Variants in UGT3A1 observed in about 807,000 individuals in gnomAD.
UGT3A1 encodes the protein UDP glycosyltransferase family 3 member A1.
In UGT3A1, 40 loss-of-function variants were observed where a neutral mutation model predicts 37.6. That is an observed-to-expected ratio of 1.06 (90% CI 0.83 to 1.38). The LOEUF is 1.38. Among genes scored for constraint, UGT3A1 ranks in the 40% most tolerant of loss-of-function variants. The pLI, the probability that UGT3A1 is intolerant of heterozygous loss-of-function variation, is 0.00. For missense variants in UGT3A1, 642 were observed against 634.2 expected (o/e 1.01, Z -0.13); for synonymous variants, 256 against 232.3 (o/e 1.10, Z -0.93).
chr5:35,993,705 G>A (rs1019411804), upstream of UGT3A1, among the ~76,000 whole-genome samples: 6 of 152,004 alleles, frequency 3.9e-5, no homozygotes, highest in East Asian at 5.8e-4. Flanking sequence ...CTCTATTGAC[G>A]TCTAGTAACC....
chr5:35,991,885 T>C (rs1206564477), upstream of UGT3A1, among the ~76,000 whole-genome samples: 1 of 152,220 alleles, frequency 6.6e-6, no homozygotes, highest in Non-Finnish European at 1.5e-5. Context: ...TCCGGGTCTG[T>C]ACCTGGAGAC....
intron 1 of UGT3A1, among the ~76,000 whole-genome samples, chr5:35,999,735 A>G (rs1172622421): frequency 6.6e-6 from 1 of 152,206 alleles, no homozygotes; most frequent in Non-Finnish European, 1.5e-5. Flanking sequence ...AACCCAGGAA[A>G]TTCCCTCCAT....
chr5:35,965,374 GGGT>G lies in UGT3A1; in HGVS notation c.843+9_843+11del, dbSNP rs1739756154. On this transcript the variant is annotated intron_variant, in intron 4 of 6. Transcript: ENST00000274278. ...ATGTGAATCCCAAACTGAATGCTGA[GGGT>G]TCACTTACTTGTGGTACTGGTTTAA... 2 of 1,610,660 alleles carry G rather than the reference GGGT, an allele frequency of 1.2e-6. No individual in the cohort carries two copies.
chr5:35,993,346 C>G (rs1436399905), upstream of UGT3A1, among the ~76,000 whole-genome samples: 1 of 152,052 alleles, frequency 6.6e-6, no homozygotes. Context: ...TGCCTGTAAT[C>G]CCAGCTACTC....
chr5:35,972,494 CGTGTGT>C (rs4024103), intron 2 of UGT3A1, among the ~76,000 whole-genome samples: 4,350 of 141,402 alleles, frequency 0.031, 182 homozygotes, highest in South Asian at 0.18. Context: ...CCTTGAAATA[CGTGTGT>C]GTGTGTGTGT....
intron 1 of UGT3A1, 26 bp from the exon 2 acceptor site, chr5:35,988,577 G>A (rs764019400): frequency 6.4e-7 from 1 of 1,554,500 alleles, no homozygotes; most frequent in East Asian, 2.2e-5. Context: ...AATGTCTTTT[G>A]TAAAGATGAA....
intron 2 of UGT3A1, among the ~76,000 whole-genome samples, chr5:35,972,388 A>G (rs1740079429): frequency 6.6e-6 from 1 of 152,140 alleles, no homozygotes; most frequent in African/African-American, 2.4e-5. Flanking sequence ...TTCTGCTTCA[A>G]GACTGCAACA....
chr5:35,970,057 G>A (rs1415132956), intron 2 of UGT3A1, among the ~76,000 whole-genome samples: 1 of 152,134 alleles, frequency 6.6e-6, no homozygotes, highest in Non-Finnish European at 1.5e-5. Context: ...AGCAGGCAAA[G>A]AGAGAGAGAG....
rs557357578 is a variant in UGT3A1 at position 35,970,758 on chromosome 5, G to A, written c.197-2625C>T. Among the ~76,000 whole-genome samples the A allele has an allele frequency of 7.9e-5, 12 of 152,190 alleles. No homozygotes were observed. The South Asian group carries it at 1.9e-3, about 24-fold the overall frequency. ...AAATAGATTAAAGCAGGGCCTTTAC[G>A]GATTAAATTCCATTATGAAAGATCT... On this transcript the variant is annotated intron_variant, in intron 2 of 6. Transcript: ENST00000274278.
rs754677483 is a variant in UGT3A1 at position 35,957,388 on chromosome 5, T to C, written c.875A>G (p.Asp292Gly). 1 of 1,614,020 alleles carries C rather than the reference T, an allele frequency of 6.2e-7. No homozygotes were observed. ...AAAGGCCACAAGGACAAACCCTGCA[T>C]CCCCAAAGTTGGCAATGAAGTTGTC... is the stretch of plus-strand genomic sequence containing the variant. ...DLDNFIANFG[D>G]AGFVLVAFGS... Residue 292 changes from aspartate to glycine, a missense_variant, in exon 5 of 7, where the codon GAT becomes GGT. By Grantham distance (94) the Asp-to-Gly change is moderately conservative (BLOSUM62 -1). Coordinates refer to ENST00000274278, the MANE Select transcript of UGT3A1 (RefSeq NM_152404.4).
intron 2 of UGT3A1, among the ~76,000 whole-genome samples, chr5:35,975,129 C>G (rs756406452): frequency 6.6e-6 from 1 of 152,232 alleles, no homozygotes; most frequent in Non-Finnish European, 1.5e-5. Flanking sequence ...CTGTGGATAA[C>G]AGCCAGGTTC....
chr5:35,988,337 C>T, intron 2 of UGT3A1, 113 bp downstream of exon 2: 5 of 707,184 alleles, frequency 7.1e-6, no homozygotes, highest in South Asian at 2.2e-5. Flanking sequence ...ATTTATTCAT[C>T]CCGAAATAAG....
Position 35,953,918 on chromosome 5 carries a change from G to T in UGT3A1, c.*284C>A. 1 of 363,172 alleles carries T rather than the reference G, an allele frequency of 2.8e-6. No homozygotes were observed. Among genetic ancestry groups the T allele is most frequent in the Non-Finnish European group, 5.0e-6 (1 of 199,072 alleles). 22.5% of individuals were successfully genotyped at this position (363,172 alleles called of 1,614,324 possible). On this transcript the variant is annotated 3_prime_UTR_variant, in exon 7 of 7. Coordinates refer to ENST00000274278, the MANE Select transcript of UGT3A1 (RefSeq NM_152404.4). Reference sequence around the variant, plus strand: ...GGGAAGTCATCTAAACAAGGAGGATGAAGTTGTCAGAGTCCTGTGTCTAGG... The same window carrying T: ...GGGAAGTCATCTAAACAAGGAGGATTAAGTTGTCAGAGTCCTGTGTCTAGG...
At chr5:35,977,163 A>G (rs1271052550) in intron 2 of UGT3A1, among the ~76,000 whole-genome samples, 1 of 152,060 alleles carries the variant, frequency 6.6e-6, no homozygotes, top group Non-Finnish European at 1.5e-5. Context: ...AGAGAAAGTA[A>G]GTTATAACAG....
chr5:35,968,834 C>T (rs569823157), intron 2 of UGT3A1, among the ~76,000 whole-genome samples: 12 of 152,286 alleles, frequency 7.9e-5, no homozygotes, highest in Admixed American at 7.2e-4. Context: ...CCAAGCAAGC[C>T]AGGCCAAAGT....
At chr5:35,995,255 G>A (rs1230035038), upstream of UGT3A1, among the ~76,000 whole-genome samples, 1 of 152,072 alleles carries the variant, frequency 6.6e-6, no homozygotes, top group Non-Finnish European at 1.5e-5. Context: ...CTCAACAGTA[G>A]TCTGACTTCA....
intron 2 of UGT3A1, among the ~76,000 whole-genome samples, chr5:35,981,265 A>G (rs1740510312): frequency 1.3e-5 from 2 of 152,182 alleles, no homozygotes; most frequent in South Asian, 2.1e-4. Context: ...AAATAAATAT[A>G]CAATGCTGAG....
chr5:35,992,394 G>A (rs892387219), upstream of UGT3A1, among the ~76,000 whole-genome samples: 4 of 152,000 alleles, frequency 2.6e-5, no homozygotes, highest in Admixed American at 1.3e-4. Flanking sequence ...TTGGGGGAGC[G>A]AAAGGGAGAA....
intron 2 of UGT3A1, among the ~76,000 whole-genome samples, chr5:35,979,872 C>T (rs1740448721): frequency 6.6e-6 from 1 of 152,230 alleles, no homozygotes; most frequent in African/African-American, 2.4e-5. Context: ...AGGCAGAAGG[C>T]ATGTCTTACA....
Sources: allele counts gnomAD v4.1 joint callset (sites outside exome capture counted in the v4.1 genomes callset), GRCh38; gene constraint gnomAD v4.1.1; transcripts MANE v1.5; gene names NCBI Gene and HGNC (gene_info 2026-07-23, HGNC 2026-07-21).